SMARCA2: variants seen among roughly 807,000 people sequenced by gnomAD.
SMARCA2 encodes the protein SWI/SNF related BAF chromatin remodeling complex subunit ATPase 2.
Under a neutral mutation model 199.8 loss-of-function variants are expected in SMARCA2, and 61 were observed. That is an observed-to-expected ratio of 0.31 (90% confidence interval 0.25 to 0.38). The LOEUF (loss-of-function observed/expected upper bound fraction) is 0.38, where lower values mean the gene tolerates loss of function less well. Ranked by LOEUF, SMARCA2 falls within the 10% of genes least tolerant of loss-of-function variation. The pLI is 1.00. For missense variants in SMARCA2, 1,344 were observed against 2,012.2 expected, an observed-to-expected ratio of 0.67 and a Z score of 6.35; for synonymous variants, 935 against 732.0, an observed-to-expected ratio of 1.28 and a Z score of -4.48.
At chr9:2,018,380 G>A (rs1264659579) in intron 1 of SMARCA2, among the ~76,000 whole-genome samples, 1 of 152,120 alleles carries the variant, frequency 6.6e-6, no homozygotes, top group Admixed American at 6.5e-5. Context: ...TCCCTAACCT[G>A]ATGGAGGTTG....
chr9:2,058,368 G>A lies in SMARCA2; in HGVS notation c.1425G>A (p.Lys475=). The change falls in exon 8 of 34, where the codon AAG becomes AAA. Residue 475 remains lysine, a synonymous_variant. Transcript: ENST00000349721. ...GGTCTGTGGCCGGAAAGATCCAGAA[G>A]CTCTCCAAAGCAGTGGCAACTTGGC... The part of the protein sequence containing the change: ...YHRSVAGKIQ[K]LSKAVATWHA... The A allele has an allele frequency of 6.2e-7, 1 of 1,614,180 alleles. No homozygotes were observed. The highest frequency in any genetic ancestry group is 8.5e-7 in the Non-Finnish European group (1 of 1,179,990).
rs1479991846 is a variant in SMARCA2 at position 2,039,371 on chromosome 9, A to G, written c.356-95A>G. ...TATGTCATTCAAATTTCTGTCAGAC[A>G]GTGTTGCTGTGGACAATTATTAGAG... On this transcript the variant is annotated intron_variant, in intron 3 of 33. Transcript: ENST00000349721. This position sits in a 1 kb window ranked among gnomAD's most constrained non-coding sequence, Gnocchi z 4.8. 2.6e-6 allele frequency: 3 copies of G among 1,157,684 alleles called. No individual in the cohort carries two copies. Among genetic ancestry groups the G allele is most frequent in the East Asian group, 4.8e-5 (2 of 42,086 alleles). 71.7% of individuals were successfully genotyped at this position (1,157,684 alleles called of 1,614,324 possible).
intron 29 of SMARCA2, among the ~76,000 whole-genome samples, chr9:2,179,908 G>A (rs1169374859): frequency 6.6e-6 from 1 of 152,184 alleles, no homozygotes; most frequent in Non-Finnish European, 1.5e-5. Context: ...TACTCTCACT[G>A]CATTTCATAG....
intron 5 of SMARCA2, among the ~76,000 whole-genome samples, chr9:2,049,519 G>A (rs1183755883): frequency 1.3e-5 from 2 of 152,164 alleles, no homozygotes; most frequent in Non-Finnish European, 2.9e-5. Flanking sequence ...CTTTATAAAT[G>A]CCTACTCTTT....
intron 32 of SMARCA2, among the ~76,000 whole-genome samples, chr9:2,188,947 T>C (rs554092767): frequency 2.2e-4 from 34 of 152,176 alleles, no homozygotes; most frequent in Non-Finnish European, 2.4e-4. Flanking sequence ...TACCCCTTGT[T>C]CCAACTTTAA....
chr9:2,110,148 G>A lies in SMARCA2; in HGVS notation c.3293-106G>A. 1 of 795,858 alleles carries A rather than the reference G, an allele frequency of 1.3e-6. No homozygotes were observed. The highest frequency in any genetic ancestry group is 2.0e-6 in the Non-Finnish European group (1 of 510,958). The allele number at this position is 795,858 out of a possible 1,614,324, so 49.3% of individuals were successfully genotyped here. A position where few individuals can be genotyped will look rare whatever the true frequency, so the allele number is the denominator to read the frequency against. The stretch of plus-strand genomic sequence containing the variant: ...CCTGGAAATTACCTCACCAGTGTTA[G>A]GAGGAGTCTGGGTATATTTCTTGAA... On this transcript the variant is annotated intron_variant, in intron 23 of 33. Transcript: ENST00000349721. This position sits in a 1 kb window ranked among gnomAD's most constrained non-coding sequence, Gnocchi z 4.8.
chr9:2,117,914 T>A (rs1435556036), intron 25 of SMARCA2, among the ~76,000 whole-genome samples: 1 of 152,226 alleles, frequency 6.6e-6, no homozygotes, highest in East Asian at 1.9e-4. Flanking sequence ...AGTCAAAGAC[T>A]CTGGTTCTGA....
chr9:2,184,512 C>T (rs367859951), intron 31 of SMARCA2, among the ~76,000 whole-genome samples: 21 of 151,672 alleles, frequency 1.4e-4, no homozygotes, highest in African/African-American at 4.6e-4. Context: ...CCACCATGCC[C>T]GGCTAATTTT....
chr9:2,047,505 G>A (rs769905299), intron 5 of SMARCA2, 21 bp downstream of exon 5: 3 of 1,385,544 alleles, frequency 2.2e-6, no homozygotes, highest in Non-Finnish European at 2.8e-6. Flanking sequence ...CCGCCAGCAA[G>A]GGGCCCCCTG....
intron 5 of SMARCA2, among the ~76,000 whole-genome samples, chr9:2,051,895 A>G (rs189295094): frequency 2.9e-4 from 44 of 152,312 alleles, no homozygotes; most frequent in Non-Finnish European, 5.1e-4. Flanking sequence ...AATTGTTAAG[A>G]TGCATCATCT....
chr9:2,139,062 G>A lies in SMARCA2; in HGVS notation c.3981+15125G>A, dbSNP rs1806746. On this transcript the variant is annotated intron_variant, in intron 27 of 33. Coordinates refer to ENST00000349721, the MANE Select transcript of SMARCA2 (RefSeq NM_003070.5). ...TCTGAAGAGTTGAGATGAGTCCTGT[G>A]TGCTGACAGGATGTGATGGACAGGA... Among the ~76,000 whole-genome samples the A allele has an allele frequency of 6.6e-3, 1,003 of 152,336 alleles. 9 individuals carry two copies. Among genetic ancestry groups the A allele is most frequent in the African/African-American group, 0.023 (967 of 41,576 alleles).
intron 2 of SMARCA2, 186 bp from the exon 3 acceptor site, chr9:2,032,766 A>G: frequency 2.0e-6 from 1 of 491,876 alleles, no homozygotes; most frequent in Non-Finnish European, 3.6e-6. Flanking sequence ...CCACTGTTTA[A>G]AGACTTAACA....
chr9:2,126,373 T>C (rs773060041), intron 27 of SMARCA2, among the ~76,000 whole-genome samples: 7 of 152,272 alleles, frequency 4.6e-5, no homozygotes, highest in Admixed American at 3.3e-4. Flanking sequence ...TGGCAACTTG[T>C]TATTAATCAG....
rs1214472548 is a variant in SMARCA2, at chr9:2,097,420, T to C, written c.3027T>C (p.Ile1009=). The C allele has an allele frequency of 6.2e-7, 1 of 1,612,734 alleles. No homozygotes were observed. Among genetic ancestry groups the C allele is most frequent in the Non-Finnish European group, 8.5e-7 (1 of 1,178,906 alleles). The change falls in exon 21 of 34, where the codon ATT becomes ATC. Residue 1009 remains isoleucine (I), a synonymous_variant. Transcript: ENST00000349721. Reference sequence around the variant, plus strand: ...GTGCTAAGACACTTATGAACACTATTATGCAGTTGAGAAAAATCTGCAACC... The same window carrying C: ...GTGCTAAGACACTTATGAACACTATCATGCAGTTGAGAAAAATCTGCAACC... ...KGGAKTLMNT[I]MQLRKICNHP...
intron 25 of SMARCA2, among the ~76,000 whole-genome samples, chr9:2,116,323 C>T (rs1396311766): frequency 6.6e-6 from 1 of 152,216 alleles, no homozygotes; most frequent in African/African-American, 2.4e-5. Flanking sequence ...ATTGAACCAT[C>T]AGTGCTGCCT....
At chr9:2,157,004 C>T (rs1167232171) in intron 27 of SMARCA2, among the ~76,000 whole-genome samples, 2 of 152,128 alleles carry the variant, frequency 1.3e-5, no homozygotes, top group East Asian at 3.9e-4. Flanking sequence ...TAACAGGTTG[C>T]TTGTGGAGAC....
intron 5 of SMARCA2, among the ~76,000 whole-genome samples, 174 bp from the exon 6 acceptor site, chr9:2,054,423 T>C (rs919871367): frequency 6.6e-6 from 1 of 152,246 alleles, no homozygotes; most frequent in African/African-American, 2.4e-5. Flanking sequence ...AATGCAAAGG[T>C]AGCTTTTCTC....
chr9:2,073,119 T>G, intron 10 of SMARCA2, 93 bp from the exon 11 acceptor site: 1 of 1,463,432 alleles, frequency 6.8e-7, no homozygotes. Flanking sequence ...AGGTTTCACA[T>G]GCTGGGCAGC....
At chr9:2,094,781 A>G (rs1390352193) in intron 19 of SMARCA2, among the ~76,000 whole-genome samples, 1 of 152,216 alleles carries the variant, frequency 6.6e-6, no homozygotes, top group Admixed American at 6.5e-5. Flanking sequence ...AAGGCTCAGA[A>G]AGCACTTTGC....
Sources: gnomAD v4.1 joint callset for allele counts (sites outside exome capture counted in the v4.1 genomes callset) on GRCh38, gnomAD v4.1.1 for gene constraint, Gnocchi (gnomAD v3.1) non-coding constraint, MANE v1.5 for transcripts, NCBI Gene and HGNC (gene_info 2026-07-23, HGNC 2026-07-21) for gene names.